Variants in TDRD10 observed in about 807,000 individuals in gnomAD.
TDRD10 encodes tudor domain-containing protein 10.
TDRD10 carries 40 observed loss-of-function variants against 48.0 expected under a neutral mutation model. The observed-to-expected ratio is 0.83, with a 90% CI of 0.65 to 1.09. The LOEUF (loss-of-function observed/expected upper bound fraction) is 1.09, where lower values mean the gene tolerates loss of function less well. Ranked by LOEUF, TDRD10 falls within the 50% of genes least tolerant of loss-of-function variation. The pLI is 0.00. For missense variants in TDRD10, 378 were observed against 434.7 expected (o/e 0.87, Z 1.16); for synonymous variants, 162 against 170.4 (o/e 0.95, Z 0.38).
intron 3 of TDRD10, among the ~76,000 whole-genome samples, 189 bp from the exon 4 acceptor site, chr1:154,508,234 G>A (rs1693256797): frequency 6.6e-6 from 1 of 152,216 alleles, no homozygotes; most frequent in African/African-American, 2.4e-5. Context: ...AAAAAGTGAA[G>A]CCAGGTACAG....
intron 6 of TDRD10, 110 bp downstream of exon 6, chr1:154,521,589 G>A: frequency 7.7e-7 from 1 of 1,300,872 alleles, no homozygotes; most frequent in Non-Finnish European, 1.1e-6. Flanking sequence ...TGACTGTGGA[G>A]AAGAAGGCAG....
At chr1:154,519,872 T>TCC (rs2149325076) in intron 4 of TDRD10, among the ~76,000 whole-genome samples, 1 of 152,034 alleles carries the variant, frequency 6.6e-6, no homozygotes, top group South Asian at 2.1e-4. Context: ...GGGGAAATGT[T>TCC]CCGGGAAGAG....
intron 10 of TDRD10, 119 bp downstream of exon 10, chr1:154,544,636 A>G (rs1695450890): frequency 2.0e-6 from 3 of 1,476,734 alleles, no homozygotes; most frequent in South Asian, 2.8e-5. Context: ...TCTCAAAATC[A>G]TCTTTATCCT....
At chr1:154,503,554 C>T (rs966820542) in intron 1 of TDRD10, among the ~76,000 whole-genome samples, 1 of 152,308 alleles carries the variant, frequency 6.6e-6, no homozygotes, top group African/African-American at 2.4e-5. Context: ...AGTCACTGCA[C>T]TCCAGCCTGG....
At chr1:154,521,555 C>T (rs1213000290) in intron 6 of TDRD10, 76 bp downstream of exon 6, 39 of 1,509,310 alleles carry the variant, frequency 2.6e-5, no homozygotes, top group Non-Finnish European at 3.4e-5. Context: ...GCTTTCAGTG[C>T]TTTCATCCTC....
chr1:154,526,304 C>G (rs918981214), intron 6 of TDRD10, among the ~76,000 whole-genome samples: 9 of 151,430 alleles, frequency 5.9e-5, no homozygotes, highest in African/African-American at 2.2e-4. Flanking sequence ...ATCACTGGAG[C>G]CTGGGAGGTG....
At chr1:154,543,827 TG>T in intron 8 of TDRD10, 135 bp from the exon 9 acceptor site, 1 of 1,325,252 alleles carries the variant, frequency 7.5e-7, no homozygotes, top group Non-Finnish European at 1.0e-6. Context: ...CTAGAGGGGG[TG>T]GGCACAGCCT....
chr1:154,541,538 A>G (rs1223527853), intron 6 of TDRD10, among the ~76,000 whole-genome samples: 1 of 151,962 alleles, frequency 6.6e-6, no homozygotes, highest in Non-Finnish European at 1.5e-5. Flanking sequence ...GGGGTTTTTC[A>G]GGTGAGAACA....
At chr1:154,519,931 TGAG>T (rs947608691) in intron 4 of TDRD10, among the ~76,000 whole-genome samples, 3 of 152,156 alleles carry the variant, frequency 2.0e-5, no homozygotes, top group African/African-American at 7.2e-5. Flanking sequence ...TGAGAAGCAG[TGAG>T]GAGGAGGTAC....
intron 6 of TDRD10, among the ~76,000 whole-genome samples, chr1:154,526,777 A>G (rs1204143970): frequency 2.6e-5 from 4 of 151,262 alleles, no homozygotes; most frequent in Admixed American, 6.6e-5. Flanking sequence ...TTTGGTATGG[A>G]TGGGGTTTCA....
At chr1:154,531,543 T>C (rs1694620314) in intron 6 of TDRD10, among the ~76,000 whole-genome samples, 1 of 152,148 alleles carries the variant, frequency 6.6e-6, no homozygotes, top group South Asian at 2.1e-4. Context: ...GAGTTGTTCA[T>C]TCCTCCCAGT....
intron 1 of TDRD10, among the ~76,000 whole-genome samples, chr1:154,504,649 G>A (rs187290663): frequency 2.1e-4 from 32 of 152,296 alleles, no homozygotes; most frequent in Non-Finnish European, 2.9e-5. Context: ...ATCTTTTCAT[G>A]TGCTTATTGG....
intron 4 of TDRD10, among the ~76,000 whole-genome samples, chr1:154,510,901 C>G (rs955204040): frequency 6.7e-6 from 1 of 148,850 alleles, no homozygotes; most frequent in Non-Finnish European, 1.5e-5. Flanking sequence ...AAAAAATTAG[C>G]GGGGCATGGT....
intron 4 of TDRD10, among the ~76,000 whole-genome samples, chr1:154,510,950 G>A (rs978019178): frequency 6.6e-6 from 1 of 151,634 alleles, no homozygotes; most frequent in Non-Finnish European, 1.5e-5. Flanking sequence ...GGAGGCTGAG[G>A]CAGGAGAATG....
chr1:154,505,882 C>T (rs368889559), intron 1 of TDRD10, among the ~76,000 whole-genome samples: 42 of 152,304 alleles, frequency 2.8e-4, no homozygotes, highest in Non-Finnish European at 4.9e-4. Context: ...ACTTTAAGTG[C>T]GGTATCTCAC....
chr1:154,532,091 A>G (rs988189504), intron 6 of TDRD10, among the ~76,000 whole-genome samples: 3 of 152,116 alleles, frequency 2.0e-5, no homozygotes, highest in Non-Finnish European at 4.4e-5. Context: ...GTGCGCCCAC[A>G]CTCCTCAGCC....
intron 6 of TDRD10, among the ~76,000 whole-genome samples, chr1:154,539,936 A>G (rs1383416521): frequency 6.6e-6 from 1 of 152,206 alleles, no homozygotes; most frequent in Admixed American, 6.5e-5. Context: ...AGAACATTCC[A>G]GGCAGAGGGA....
intron 1 of TDRD10, among the ~76,000 whole-genome samples, chr1:154,503,316 G>T (rs916795387): frequency 6.6e-6 from 1 of 152,126 alleles, no homozygotes; most frequent in Non-Finnish European, 1.5e-5. Context: ...GGCCGGGCGC[G>T]GTGGCTCACG....
At chr1:154,546,499 A>T (rs1395386408) in intron 11 of TDRD10, among the ~76,000 whole-genome samples, 1 of 148,358 alleles carries the variant, frequency 6.7e-6, no homozygotes, top group Non-Finnish European at 1.5e-5. Context: ...TATATATAAT[A>T]TATATATTTA....
Sources: gnomAD v4.1 joint callset for allele counts (sites outside exome capture counted in the v4.1 genomes callset) on GRCh38, gnomAD v4.1.1 for gene constraint, MANE v1.5 for transcripts, NCBI Gene and HGNC (gene_info 2026-07-23, HGNC 2026-07-21) for gene names.